Variants in RPTOR observed in about 807,000 individuals in gnomAD.
RPTOR encodes regulatory-associated protein of mTOR.
RPTOR carries 21 observed loss-of-function variants against 169.9 expected under a neutral mutation model. That is an observed-to-expected ratio of 0.12 (90% CI 0.09 to 0.18). The LOEUF (loss-of-function observed/expected upper bound fraction) is 0.18. Ranked by LOEUF, RPTOR falls within the 10% of genes least tolerant of loss-of-function variation. The pLI is 1.00. For missense variants in RPTOR, 1,133 were observed against 1,855.9 expected (o/e 0.61, Z 7.16); for synonymous variants, 732 against 753.2 (o/e 0.97, Z 0.46).
At chr17:80,683,168 C>A (rs775028723) in intron 3 of RPTOR, among the ~76,000 whole-genome samples, 1 of 151,524 alleles carries the variant, frequency 6.6e-6, no homozygotes, top group Non-Finnish European at 1.5e-5. Flanking sequence ...GGCCTGGGAG[C>A]GGACCCCGGA....
intron 5 of RPTOR, among the ~76,000 whole-genome samples, chr17:80,738,111 A>T (rs951855275): frequency 3.3e-5 from 5 of 152,174 alleles, no homozygotes; most frequent in Admixed American, 6.5e-5. Context: ...GGGGAAACAC[A>T]GGCCCATGGA....
rs1567887800 is a variant in RPTOR at position 80,743,934 on chromosome 17, GTTA to G, written c.655-10075_655-10073del. 3.2e-3 allele frequency among the ~76,000 whole-genome samples: 202 copies of G among 62,616 alleles called. 85 individuals carry two copies. Among genetic ancestry groups the G allele is most frequent in the East Asian group, 0.012 (30 of 2,488 alleles). The allele number at this position is 62,616 out of a possible 152,430, so 41.1% of individuals were successfully genotyped here. A position where few individuals can be genotyped will look rare whatever the true frequency, so the allele number is the denominator to read the frequency against. On this transcript the variant is annotated intron_variant, in intron 5 of 33. Transcript: ENST00000306801. ...AGCCCTGGTTACTAGCAGAGCCCTG[GTTA>G]CTAGCACAGCCCTGGCTACTAGCAC...
At chr17:80,810,854 G>A (rs2067265336) in intron 7 of RPTOR, among the ~76,000 whole-genome samples, 1 of 152,238 alleles carries the variant, frequency 6.6e-6, no homozygotes, top group South Asian at 2.1e-4. Context: ...CAAATATTTT[G>A]TTAAATTAAT....
chr17:80,657,139 A>T (rs1321814023), intron 3 of RPTOR, among the ~76,000 whole-genome samples: 2 of 152,190 alleles, frequency 1.3e-5, no homozygotes, highest in East Asian at 3.8e-4. Flanking sequence ...CTTTACTTTT[A>T]AACTGAGGGA....
chr17:80,795,465 C>T (rs1567915502), intron 7 of RPTOR, among the ~76,000 whole-genome samples: 1 of 152,210 alleles, frequency 6.6e-6, no homozygotes, highest in African/African-American at 2.4e-5. Flanking sequence ...CCAGTGCGAT[C>T]AGACAGCTGG....
chr17:80,564,515 C>T (rs2084550692), intron 1 of RPTOR, among the ~76,000 whole-genome samples: 3 of 151,706 alleles, frequency 2.0e-5, no homozygotes, highest in African/African-American at 7.3e-5. Flanking sequence ...TTTAGAGGTA[C>T]ATGTGCAGGT....
chr17:80,629,679 CTA>C (rs1324912776), intron 2 of RPTOR, among the ~76,000 whole-genome samples: 9 of 151,408 alleles, frequency 5.9e-5, no homozygotes, highest in African/African-American at 2.2e-4. Flanking sequence ...ACTCAGCTCT[CTA>C]TGTATTGTGT....
intron 3 of RPTOR, among the ~76,000 whole-genome samples, chr17:80,664,086 G>A (rs1567845328): frequency 6.6e-6 from 1 of 152,128 alleles, no homozygotes; most frequent in Non-Finnish European, 1.5e-5. Flanking sequence ...GGCTGCGTCT[G>A]GGAGGGACTT....
intron 3 of RPTOR, among the ~76,000 whole-genome samples, chr17:80,657,734 T>G (rs1006545423): frequency 6.6e-6 from 1 of 152,200 alleles, no homozygotes; most frequent in Non-Finnish European, 1.5e-5. Context: ...ATTTATTTAC[T>G]GGATAGGGGA....
intron 13 of RPTOR, 42 bp downstream of exon 13, chr17:80,857,942 C>A: frequency 6.7e-7 from 1 of 1,499,490 alleles, no homozygotes; most frequent in Non-Finnish European, 9.3e-7. Flanking sequence ...TGTGAACCTG[C>A]CGGCCCTTCT....
At position 80,606,246 on chromosome 17, in the gene RPTOR, G is replaced by A. The variant is rs185319385; in HGVS notation, c.163-19445G>A. On this transcript the variant is annotated intron_variant, in intron 1 of 33. Coordinates refer to ENST00000306801, the MANE Select transcript of RPTOR (RefSeq NM_020761.3). The stretch of plus-strand genomic sequence containing the variant: ...AGGGTGGTCTCGATCTGCTGACCTC[G>A]TGATCCACCCGCCTCGGCCTCCCAA... Among the ~76,000 whole-genome samples the A allele has an allele frequency of 3.9e-4, 59 of 150,974 alleles. No individual in the cohort carries two copies. The East Asian group carries it at 5.7e-3, about 14-fold the overall frequency.
At chr17:80,740,714 AAAAC>A (rs991309075) in intron 5 of RPTOR, among the ~76,000 whole-genome samples, 3 of 152,170 alleles carry the variant, frequency 2.0e-5, no homozygotes, top group African/African-American at 4.8e-5. Context: ...CATGCGAGAG[AAAAC>A]AAACAAAAAA....
At position 80,966,234 on chromosome 17, in the gene RPTOR, C is replaced by T. The variant is rs1193622871; in HGVS notation, c.*1904C>T. On this transcript the variant is annotated 3_prime_UTR_variant, in exon 34 of 34. Transcript: ENST00000306801. ...AATTCAATCACGACGTTAACCGGCT[C>T]GAGAGAGCGCCGGCCTAGAGGCTCA... is the stretch of plus-strand genomic sequence containing the variant. The T allele has an allele frequency of 4.3e-6, 1 of 231,974 alleles. No homozygotes were observed. The highest frequency in any genetic ancestry group is 5.6e-5 in the Admixed American group (1 of 17,720). The allele number at this position is 231,974 out of a possible 1,614,324, so 14.4% of individuals were successfully genotyped here.
chr17:80,798,993 C>T (rs368551473), intron 7 of RPTOR, among the ~76,000 whole-genome samples: 2 of 152,108 alleles, frequency 1.3e-5, no homozygotes, highest in South Asian at 4.2e-4. Context: ...TCATCCATCA[C>T]GTTCACATCT....
intron 1 of RPTOR, among the ~76,000 whole-genome samples, chr17:80,591,406 T>G (rs1319980131): frequency 2.1e-5 from 3 of 145,304 alleles, no homozygotes; most frequent in Admixed American, 7.0e-5. Context: ...GGAGATGGAG[T>G]GTTGCTCTGT....
intron 3 of RPTOR, among the ~76,000 whole-genome samples, chr17:80,660,819 G>A (rs915585218): frequency 1.3e-5 from 2 of 150,810 alleles, no homozygotes; most frequent in African/African-American, 4.9e-5. Context: ...CATTCCCATC[G>A]TTCCCCACCC....
chr17:80,941,234 CCAG>C (rs2069022367), intron 25 of RPTOR: 1 of 152,782 alleles, frequency 6.5e-6, no homozygotes, highest in African/African-American at 2.4e-5. Flanking sequence ...GTTTGCTCTC[CCAG>C]CTGCACCCGG....
chr17:80,862,558 A>G (rs1254680953), intron 13 of RPTOR, among the ~76,000 whole-genome samples: 1 of 147,496 alleles, frequency 6.8e-6, no homozygotes, highest in Admixed American at 6.7e-5. Context: ...GCCCACCATG[A>G]TGTCTGCTCC....
chr17:80,957,658 C>A lies in RPTOR; in HGVS notation c.3405C>A (p.Thr1135=). ...AGMVVDWEQE[T]GLLMSSGDVR... is the part of the protein sequence containing the mutation. ...TGGTGGTGGACTGGGAGCAGGAGAC[C>A]GGCCTCCTCATGAGCTCAGGAGACG... The change falls in exon 29 of 34, where the codon ACC becomes ACA. Residue 1135 remains threonine (T), a synonymous_variant. Transcript: ENST00000306801. The surrounding 1 kb of genome is among the most constrained non-coding windows in gnomAD (Gnocchi z 4.6). 1.2e-6 allele frequency: 2 copies of A among 1,614,174 alleles called. No homozygotes were observed. The highest frequency in any genetic ancestry group is 1.7e-6 in the Non-Finnish European group (2 of 1,180,042).
Sources: allele counts gnomAD v4.1 joint callset (sites outside exome capture counted in the v4.1 genomes callset), GRCh38; gene constraint gnomAD v4.1.1; non-coding constraint Gnocchi (gnomAD v3.1); transcripts MANE v1.5; gene names NCBI Gene and HGNC (gene_info 2026-07-23, HGNC 2026-07-21).